The following GMNN variants were observed in gnomAD, a reference collection of about 807,000 sequenced individuals.
GMNN encodes the protein geminin.
A neutral mutation model predicts 20.9 loss-of-function variants in GMNN; 14 were observed. That is an observed-to-expected ratio of 0.67 (90% confidence interval 0.44 to 1.05). The LOEUF (loss-of-function observed/expected upper bound fraction) is 1.05. Among genes scored for constraint, GMNN ranks in the 50% least tolerant of loss-of-function variants. The pLI is 0.00. For missense variants in GMNN, 227 were observed against 243.8 expected (o/e 0.93, Z 0.46); for synonymous variants, 81 against 85.8 (o/e 0.94, Z 0.31).
intron 4 of GMNN, among the ~76,000 whole-genome samples, chr6:24,783,014 G>A (rs1385579962): frequency 3.3e-5 from 5 of 152,104 alleles, no homozygotes; most frequent in African/African-American, 7.2e-5. Flanking sequence ...GGAGCACACC[G>A]TGTATCCAGT....
intron 2 of GMNN, among the ~76,000 whole-genome samples, chr6:24,779,462 C>A (rs1160395465): frequency 6.6e-6 from 1 of 151,964 alleles, no homozygotes; most frequent in Non-Finnish European, 1.5e-5. Context: ...GTTACATTTT[C>A]TTTTATTTGT....
chr6:24,784,252 G>C, intron 5 of GMNN, 83 bp downstream of exon 5: 1 of 792,330 alleles, frequency 1.3e-6, no homozygotes, highest in Admixed American at 2.1e-5. Context: ...GAGCAATATG[G>C]GCTAGCTTTA....
Position 24,784,109 on chromosome 6 carries a change from G to A in GMNN, c.297G>A (p.Trp99Ter). 3 of 1,496,130 alleles carry A rather than the reference G, an allele frequency of 2.0e-6. No individual in the cohort carries two copies. The East Asian group carries it at 6.8e-5, about 34-fold the overall frequency. 92.7% of individuals were successfully genotyped at this position (1,496,130 alleles called of 1,614,324 possible). A position where few individuals can be genotyped will look rare whatever the true frequency, so the allele number is the denominator to read the frequency against. The change falls in exon 5 of 7, where the codon TGG becomes TGA. Residue 99 changes from tryptophan to a stop codon, truncating the protein, a stop_gained. Transcript: ENST00000230056. LOFTEE classifies it high-confidence loss of function. The stretch of plus-strand genomic sequence containing the variant: ...TAGAAAATCCATCCTCTCAGTATTG[G>A]AAGGAAGTGGCAGAAAAACGGAGAA... The part of the protein sequence containing the change: ...MIKENPSSQY[W>*]KEVAEKRRKA...
chr6:24,778,735 G>A (rs1780137352), intron 2 of GMNN, among the ~76,000 whole-genome samples: 1 of 152,066 alleles, frequency 6.6e-6, no homozygotes, highest in African/African-American at 2.4e-5. Context: ...TGCTTTGTGT[G>A]TGATTATTTA....
Position 24,781,556 on chromosome 6 carries a change from C to A in GMNN, c.209C>A (p.Pro70Gln). 1 of 1,565,518 alleles carries A rather than the reference C, an allele frequency of 6.4e-7. No individual in the cohort carries two copies. Among genetic ancestry groups the A allele is most frequent in the South Asian group, 1.2e-5 (1 of 85,848 alleles). Residue 70 changes from proline to glutamine, a missense_variant, in exon 4 of 7, where the codon CCA becomes CAA. Transcript: ENST00000230056. Reference protein sequence around the residue: ...STTSSPGVIVPESSENKNLGG... With the variant: ...STTSSPGVIVQESSENKNLGG... ...ACTTCCAGCCCTGGGGTTATTGTCC[C>A]AGAATCTAGTGAAAATAAAAATCTT... is the stretch of plus-strand genomic sequence containing the variant.
In GMNN at chr6:24,784,437, A is replaced by G. The variant is rs1216379283; in HGVS notation, c.358-7A>G. On this transcript the variant is annotated splice_region_variant and splice_polypyrimidine_tract_variant and intron_variant, in intron 5 of 6. Transcript: ENST00000230056. The stretch of plus-strand genomic sequence containing the variant: ...ATGGAATACTGAACTTTATTTATGT[A>G]ATACAGCTTCATAAAGAAATTGAAC... The G allele has an allele frequency of 7.6e-7, 1 of 1,311,836 alleles. No individual in the cohort carries two copies. The highest frequency in any genetic ancestry group is 1.1e-6 in the Non-Finnish European group (1 of 905,052). The allele number at this position is 1,311,836 out of a possible 1,614,324, so 81.3% of individuals were successfully genotyped here.
intron 1 of GMNN, 24 bp from the exon 2 acceptor site, chr6:24,777,198 A>G (rs1218146271): frequency 3.6e-6 from 3 of 822,950 alleles, no homozygotes; most frequent in Non-Finnish European, 5.8e-6. Flanking sequence ...GGGGGTGCAA[A>G]CCATATTGTT....
intron 3 of GMNN, among the ~76,000 whole-genome samples, 175 bp from the exon 4 acceptor site, chr6:24,781,302 C>G (rs1218975692): frequency 2.0e-5 from 3 of 151,978 alleles, no homozygotes; most frequent in Non-Finnish European, 4.4e-5. Context: ...AATAAAATTC[C>G]TAAAATGTTA....
chr6:24,777,564 A>T (rs917756374), intron 2 of GMNN: 1 of 226,492 alleles, frequency 4.4e-6, no homozygotes, highest in Non-Finnish European at 8.5e-6. Flanking sequence ...TTTATGTTAA[A>T]TTTTTTCCTA....
At chr6:24,784,263 G>C (rs1343874664) in intron 5 of GMNN, 94 bp downstream of exon 5, 2 of 751,554 alleles carry the variant, frequency 2.7e-6, no homozygotes, top group African/African-American at 3.5e-5. Context: ...GCTAGCTTTA[G>C]TATTGGCTTA....
chr6:24,775,408 GC>G (rs1780038369), intron 1 of GMNN, 164 bp downstream of exon 1: 1 of 152,292 alleles, frequency 6.6e-6, no homozygotes, highest in Admixed American at 6.5e-5. Context: ...CGGTTGGTAG[GC>G]TCGGACGCGC....
At position 24,785,791 on chromosome 6, in the gene GMNN, T is replaced by C. The variant is rs558038900; in HGVS notation, c.622T>C (p.Cys208Arg). Reference protein sequence around the residue: ...TVSSSTDAKPCI With the variant: ...TVSSSTDAKPRI ...ATCTTCCTCTACGGATGCAAAGCCATGTATATGAAATGCATTAATATTTGA... is the reference window on the plus strand; with the variant it reads ...ATCTTCCTCTACGGATGCAAAGCCACGTATATGAAATGCATTAATATTTGA... Residue 208 changes from cysteine to arginine, a missense_variant, in exon 7 of 7, where the codon TGT becomes CGT. By Grantham distance (180) the Cys-to-Arg change is radical. Coordinates refer to ENST00000230056, the MANE Select transcript of GMNN (RefSeq NM_015895.5). 34 of 1,570,464 alleles carry C rather than the reference T, an allele frequency of 2.2e-5. No individual in the cohort carries two copies. The South Asian group carries it at 3.7e-4, about 17-fold the overall frequency.
In GMNN at chr6:24,777,214, A is replaced by G; in HGVS notation, c.-25-8A>G. 1 of 1,078,856 alleles carries G rather than the reference A, an allele frequency of 9.3e-7. No homozygotes were observed. Among genetic ancestry groups the G allele is most frequent in the Non-Finnish European group, 1.3e-6 (1 of 746,204 alleles). The allele number at this position is 1,078,856 out of a possible 1,614,324, so 66.8% of individuals were successfully genotyped here. On this transcript the variant is annotated splice_region_variant and splice_polypyrimidine_tract_variant and intron_variant, in intron 1 of 6. Transcript: ENST00000230056. The stretch of plus-strand genomic sequence containing the variant: ...GGGGTGCAAACCATATTGTTTTTTA[A>G]TTACTAGTCTTCTGTGCTTCACCAT...
At chr6:24,777,595 T>A in intron 2 of GMNN, 1 of 186,290 alleles carries the variant, frequency 5.4e-6, no homozygotes. Flanking sequence ...TTGAGGTTAC[T>A]GTGAATGGAA....
chr6:24,781,556 C>G lies in GMNN; in HGVS notation c.209C>G (p.Pro70Arg). The change falls in exon 4 of 7, where the codon CCA (proline) becomes CGA (arginine). Residue 70 changes from proline to arginine, a missense_variant. Pro to Arg is a moderately radical substitution (Grantham distance 103, BLOSUM62 -2). Coordinates refer to ENST00000230056, the MANE Select transcript of GMNN (RefSeq NM_015895.5). ...ACTTCCAGCCCTGGGGTTATTGTCC[C>G]AGAATCTAGTGAAAATAAAAATCTT... Reference protein sequence around the residue: ...STTSSPGVIVPESSENKNLGG... With the variant: ...STTSSPGVIVRESSENKNLGG... The G allele has an allele frequency of 6.4e-7, 1 of 1,565,518 alleles. No individual in the cohort carries two copies.
chr6:24,780,258 T>G (rs1780174169), intron 2 of GMNN, among the ~76,000 whole-genome samples: 1 of 152,192 alleles, frequency 6.6e-6, no homozygotes, highest in Non-Finnish European at 1.5e-5. Flanking sequence ...TGTATTAGAA[T>G]TTTGTCATAT....
rs756041866 is a variant in GMNN at position 24,784,536 on chromosome 6, T to C, written c.450T>C (p.Tyr150=). 2.7e-6 allele frequency: 4 copies of C among 1,460,516 alleles called. No homozygotes were observed. The highest frequency in any genetic ancestry group is 3.4e-5 in the Admixed American group (2 of 58,524). 90.5% of individuals were successfully genotyped at this position (1,460,516 alleles called of 1,614,324 possible). The stretch of plus-strand genomic sequence containing the variant: ...CAGAAGTAGCAGAACATGTACAGTA[T>C]ATGGCAGAGCTAATAGAGGTAGGTA... The part of the protein sequence containing the change: ...ELAEVAEHVQ[Y]MAELIERLNG... The change falls in exon 6 of 7, where the codon TAT becomes TAC. Residue 150 remains tyrosine, a synonymous_variant. Coordinates refer to ENST00000230056, the MANE Select transcript of GMNN (RefSeq NM_015895.5).
chr6:24,779,027 CTG>C (rs1242531621), intron 2 of GMNN, among the ~76,000 whole-genome samples: 16 of 152,162 alleles, frequency 1.1e-4, no homozygotes, highest in Non-Finnish European at 4.4e-5. Context: ...ACCTCCAAAA[CTG>C]AGACCTTGGG....
chr6:24,776,413 G>A (rs1448382611), intron 1 of GMNN, among the ~76,000 whole-genome samples: 1 of 152,210 alleles, frequency 6.6e-6, no homozygotes, highest in East Asian at 1.9e-4. Flanking sequence ...AAAGTGCTGG[G>A]ATTACAGATG....
Sources: gnomAD v4.1 joint callset for allele counts (sites outside exome capture counted in the v4.1 genomes callset) on GRCh38, gnomAD v4.1.1 for gene constraint, MANE v1.5 for transcripts, NCBI Gene and HGNC (gene_info 2026-07-23, HGNC 2026-07-21) for gene names.